Variants in PDE11A observed in about 807,000 individuals in gnomAD.
The protein encoded by PDE11A is phosphodiesterase 11A.
In PDE11A, 100 loss-of-function variants were observed where a neutral mutation model predicts 100.5. That is an observed-to-expected ratio of 1.00 (90% CI 0.85 to 1.18). PDE11A has a LOEUF of 1.18. Ranked by LOEUF, PDE11A falls within the 50% of genes most tolerant of loss-of-function variation. The pLI is 0.00. For missense variants in PDE11A, 1,141 were observed against 1,152.6 expected, an observed-to-expected ratio of 0.99 and a Z score of 0.15; for synonymous variants, 381 against 420.8, an observed-to-expected ratio of 0.91 and a Z score of 1.16.
chr2:177,940,707 A>G (rs983862419), intron 2 of PDE11A, among the ~76,000 whole-genome samples: 1 of 152,234 alleles, frequency 6.6e-6, no homozygotes, highest in Non-Finnish European at 1.5e-5. Flanking sequence ...GTCATGGGAT[A>G]AGGGCTCTGT....
chr2:177,903,963 A>T (rs1412716874), intron 3 of PDE11A, among the ~76,000 whole-genome samples: 1 of 152,246 alleles, frequency 6.6e-6, no homozygotes, highest in Non-Finnish European at 1.5e-5. Flanking sequence ...ATGTCATGCT[A>T]AAGACCATGG....
intron 19 of PDE11A, among the ~76,000 whole-genome samples, chr2:177,631,322 A>AAAAAAAAAAAAAAC (rs1469522170): frequency 1.3e-3 from 22 of 16,886 alleles, no homozygotes; most frequent in Admixed American, 3.2e-3. Context: ...AAAAAAAAAA[A>AAAAAAAAAAAAAAC]CAACCTAGGC....
At chr2:177,696,157 T>C (rs1267757218) in intron 15 of PDE11A, among the ~76,000 whole-genome samples, 1 of 152,204 alleles carries the variant, frequency 6.6e-6, no homozygotes, top group East Asian at 1.9e-4. Context: ...AGTTTAGAAC[T>C]TCCTTTGAAA....
intron 19 of PDE11A, among the ~76,000 whole-genome samples, chr2:177,647,658 A>G (rs531690965): frequency 6.6e-6 from 1 of 152,320 alleles, no homozygotes; most frequent in Admixed American, 6.5e-5. Flanking sequence ...GGAACCATCA[A>G]GTCCATGAAT....
rs3770031 is a variant in PDE11A at position 177,725,653 on chromosome 2, A to G, written c.2043+2005T>C. 2.6e-4 allele frequency among the ~76,000 whole-genome samples: 40 copies of G among 152,264 alleles called. 1 individual carries two copies. The East Asian group carries it at 7.7e-3, about 29-fold the overall frequency. On this transcript the variant is annotated intron_variant, in intron 12 of 19. Coordinates refer to ENST00000286063, the MANE Select transcript of PDE11A (RefSeq NM_016953.4). ...CTGGAAATATTCTGACGATATGAGC[A>G]TCCCCATTGTGGTGACATAGTTTAA...
intron 1 of PDE11A, chr2:178,104,512 T>A (rs765439991): frequency 1.3e-6 from 2 of 1,546,342 alleles, no homozygotes; most frequent in Admixed American, 1.7e-5. Context: ...ACCAAAAAAA[T>A]ATATATATTA....
At chr2:178,037,110 T>C (rs1012553110) in intron 1 of PDE11A, among the ~76,000 whole-genome samples, 1 of 152,192 alleles carries the variant, frequency 6.6e-6, no homozygotes, top group African/African-American at 2.4e-5. Context: ...AAAAAATGTT[T>C]GCAATCTATC....
intron 2 of PDE11A, among the ~76,000 whole-genome samples, chr2:177,922,175 C>T (rs1367101614): frequency 6.6e-6 from 1 of 152,100 alleles, no homozygotes; most frequent in Non-Finnish European, 1.5e-5. Context: ...ATTAAATTGA[C>T]CTCTGCATGC....
At position 177,914,883 on chromosome 2, in the gene PDE11A, T is replaced by C. The variant is rs2084929698; in HGVS notation, c.1072-9696A>G. ...CAAACTCCTTCCTTTTTATAATTCC[T>C]GGTTCATAAAGTACAGGACATTACA... On this transcript the variant is annotated intron_variant, in intron 2 of 19. Transcript: ENST00000286063. Among the ~76,000 whole-genome samples the C allele has an allele frequency of 2.6e-5, 4 of 152,192 alleles. No homozygotes were observed. The South Asian group carries it at 8.3e-4, about 31-fold the overall frequency.
At chr2:177,670,102 C>T (rs977642135) in intron 17 of PDE11A, among the ~76,000 whole-genome samples, 1 of 152,198 alleles carries the variant, frequency 6.6e-6, no homozygotes, top group African/African-American at 2.4e-5. Context: ...TCCTCTGCTT[C>T]CTACTGTTGC....
At chr2:178,015,316 C>T (rs1027725611) in intron 1 of PDE11A, among the ~76,000 whole-genome samples, 1 of 151,910 alleles carries the variant, frequency 6.6e-6, no homozygotes, top group Non-Finnish European at 1.5e-5. Flanking sequence ...AAATGTGTAA[C>T]GTGAATCTAA....
chr2:178,075,551 C>CAAAAAAAAAA (rs397756518), upstream of PDE11A, among the ~76,000 whole-genome samples: 3 of 47,836 alleles, frequency 6.3e-5, no homozygotes, highest in African/African-American at 2.6e-4. Flanking sequence ...GACTCTGTCT[C>CAAAAAAAAAA]AAAAAAAAAA....
At chr2:177,834,391 C>T (rs993136559) in intron 6 of PDE11A, among the ~76,000 whole-genome samples, 1 of 152,234 alleles carries the variant, frequency 6.6e-6, no homozygotes, top group African/African-American at 2.4e-5. Context: ...CGGCCTCAGT[C>T]AAACCCAGTC....
intron 14 of PDE11A, among the ~76,000 whole-genome samples, chr2:177,699,699 A>G (rs2081169299): frequency 6.6e-6 from 1 of 152,284 alleles, no homozygotes; most frequent in African/African-American, 2.4e-5. Context: ...TCTCTGCACC[A>G]GAGCTCATTT....
At chr2:177,727,158 T>A (rs1329098849) in intron 12 of PDE11A, among the ~76,000 whole-genome samples, 1 of 152,014 alleles carries the variant, frequency 6.6e-6, no homozygotes, top group Non-Finnish European at 1.5e-5. Flanking sequence ...TTAAGGCAAG[T>A]AAGCCCTAAA....
chr2:177,834,802 C>A (rs1006985120), intron 6 of PDE11A, among the ~76,000 whole-genome samples: 1 of 152,154 alleles, frequency 6.6e-6, no homozygotes, highest in Admixed American at 6.5e-5. Context: ...ACCCTGTAGG[C>A]AGTTAATGCA....
At chr2:177,905,232 G>T in intron 2 of PDE11A, 45 bp from the exon 3 acceptor site, 1 of 1,030,834 alleles carries the variant, frequency 9.7e-7, no homozygotes, top group South Asian at 1.3e-5. Context: ...TAAGAACATT[G>T]ATACATCCCT....
chr2:178,034,579 T>C (rs2086587393), intron 1 of PDE11A, among the ~76,000 whole-genome samples: 2 of 152,228 alleles, frequency 1.3e-5, no homozygotes. Context: ...CACATTCTTC[T>C]CAGCACCACA....
chr2:178,095,233 T>G (rs1229998974), intron 2 of PDE11A, among the ~76,000 whole-genome samples: 1 of 152,186 alleles, frequency 6.6e-6, no homozygotes, highest in Non-Finnish European at 1.5e-5. Context: ...GTTATTTACT[T>G]CCTAGATATA....
Sources: allele counts gnomAD v4.1 joint callset (sites outside exome capture counted in the v4.1 genomes callset), GRCh38; gene constraint gnomAD v4.1.1; transcripts MANE v1.5; gene names NCBI Gene and HGNC (gene_info 2026-07-23, HGNC 2026-07-21).